NBEAL1: variants seen among roughly 807,000 people sequenced by gnomAD.
NBEAL1 encodes the protein neurobeachin-like protein 1.
A neutral mutation model predicts 351.3 loss-of-function variants in NBEAL1; 273 were observed. The observed-to-expected ratio is 0.78, with a 90% CI of 0.70 to 0.86. NBEAL1 has a LOEUF of 0.86. Ranked by LOEUF, NBEAL1 falls within the 40% of genes least tolerant of loss-of-function variation. The pLI is 0.00. For missense variants in NBEAL1, 2,961 were observed against 3,201.3 expected (o/e 0.92, Z 1.81); for synonymous variants, 1,050 against 1,086.4 (o/e 0.97, Z 0.66).
At chr2:203,193,244 T>G (rs1297668736) in intron 46 of NBEAL1, among the ~76,000 whole-genome samples, 1 of 152,154 alleles carries the variant, frequency 6.6e-6, no homozygotes, top group Non-Finnish European at 1.5e-5. Context: ...AGTGCTAGGA[T>G]TTCAGGTGTG....
rs1390829243 is a variant in NBEAL1, at chr2:203,108,167, G to A, written c.1928G>A (p.Gly643Glu). ...QLTLGIANKG[G>E]KRKQLYSFFT... The stretch of plus-strand genomic sequence containing the variant: ...ACTCTTGGCATTGCTAACAAAGGAG[G>A]GAAAAGGAAACAATTGTACAGGTAT... Residue 643 changes from glycine to glutamate, a missense_variant, in exon 14 of 56, where the codon GGG becomes GAG. Transcript: ENST00000683969. 2 of 1,549,454 alleles carry A rather than the reference G, an allele frequency of 1.3e-6. No individual in the cohort carries two copies. Among genetic ancestry groups the A allele is most frequent in the South Asian group, 2.4e-5 (2 of 83,738 alleles).
At position 203,057,366 on chromosome 2, in the gene NBEAL1, C is replaced by T. The variant is rs1164967197; in HGVS notation, c.428C>T (p.Thr143Ile). 1 of 1,551,158 alleles carries T rather than the reference C, an allele frequency of 6.4e-7. No homozygotes were observed. The highest frequency in any genetic ancestry group is 8.7e-7 in the Non-Finnish European group (1 of 1,145,932). The change falls in exon 6 of 56, where the codon ACA becomes ATA. Residue 143 changes from threonine (T) to isoleucine (I), a missense_variant. Physicochemically the swap from Thr to Ile is moderately conservative, Grantham distance 89. Coordinates refer to ENST00000683969, the MANE Select transcript of NBEAL1 (RefSeq NM_001378026.1). Reference protein sequence around the residue: ...KKKEKEMADQTCIEEFVIHAL... With the variant: ...KKKEKEMADQICIEEFVIHAL... ...AAAGAGAAGGAAATGGCAGATCAGA[C>T]ATGTATTGAAGAATTTGTGATCCAC...
intron 7 of NBEAL1, 79 bp from the exon 8 acceptor site, chr2:203,077,673 G>A (rs1024352083): frequency 9.9e-5 from 80 of 808,624 alleles, no homozygotes; most frequent in Non-Finnish European, 1.3e-4. Flanking sequence ...CTTCGTGTTT[G>A]CATCAGACAT....
chr2:203,097,670 C>T, intron 11 of NBEAL1, 37 bp downstream of exon 11: 1 of 790,512 alleles, frequency 1.3e-6, no homozygotes, highest in South Asian at 5.8e-5. Context: ...CAGCTGAAGT[C>T]CAAAATCAGC....
intron 40 of NBEAL1, 77 bp from the exon 41 acceptor site, chr2:203,172,651 TA>T: frequency 7.8e-7 from 1 of 1,282,096 alleles, no homozygotes; most frequent in Non-Finnish European, 1.0e-6. Flanking sequence ...TGTCTTTAGA[TA>T]ACCATTTGAT....
intron 7 of NBEAL1, among the ~76,000 whole-genome samples, chr2:203,072,956 TA>T (rs1219272979): frequency 6.6e-6 from 1 of 152,176 alleles, no homozygotes; most frequent in African/African-American, 2.4e-5. Flanking sequence ...TTAAATGAGT[TA>T]GGCAGGGTTC....
chr2:203,149,971 G>A (rs773802578), intron 34 of NBEAL1, among the ~76,000 whole-genome samples: 1 of 152,032 alleles, frequency 6.6e-6, no homozygotes, highest in Non-Finnish European at 1.5e-5. Context: ...CAGTTGATAG[G>A]CATTTGGATT....
intron 7 of NBEAL1, among the ~76,000 whole-genome samples, chr2:203,077,215 C>G (rs1330380812): frequency 6.6e-6 from 1 of 151,596 alleles, no homozygotes; most frequent in Non-Finnish European, 1.5e-5. Flanking sequence ...ACTAAAAATA[C>G]AAAAATTAGC....
chr2:203,073,239 T>C (rs2061711424), intron 7 of NBEAL1, among the ~76,000 whole-genome samples: 1 of 152,220 alleles, frequency 6.6e-6, no homozygotes, highest in African/African-American at 2.4e-5. Context: ...ATTTATTTAC[T>C]AGGTAAAGGG....
chr2:203,207,106 C>A (rs2065610011), intron 51 of NBEAL1, among the ~76,000 whole-genome samples: 1 of 151,538 alleles, frequency 6.6e-6, no homozygotes, highest in South Asian at 2.1e-4. Context: ...CTCTGCCCGG[C>A]CGCCCCGTCT....
chr2:203,145,054 A>G lies in NBEAL1; in HGVS notation c.5198A>G (p.Asp1733Gly). The G allele has an allele frequency of 1.2e-6, 2 of 1,610,978 alleles. No individual in the cohort carries two copies. Among genetic ancestry groups the G allele is most frequent in the Non-Finnish European group, 1.7e-6 (2 of 1,178,738 alleles). The change falls in exon 33 of 56, where the codon GAT (aspartate) becomes GGT (glycine). Residue 1733 changes from aspartate to glycine, a missense_variant. Coordinates refer to ENST00000683969, the MANE Select transcript of NBEAL1 (RefSeq NM_001378026.1). The part of the protein sequence containing the change: ...MKQYEAHTFY[D>G]GHENMALYWK... ...CAGTATGAAGCTCATACATTTTACG[A>G]TGGTCATGAGAACATGGCACTTTAT...
At chr2:203,097,424 A>C (rs2062207602) in intron 10 of NBEAL1, 123 bp from the exon 11 acceptor site, 1 of 180,786 alleles carries the variant, frequency 5.5e-6, no homozygotes, top group Non-Finnish European at 1.1e-5. Context: ...AGTGTAGTAT[A>C]TTTCACAAGG....
chr2:203,211,975 C>T (rs1012402873), intron 54 of NBEAL1, among the ~76,000 whole-genome samples: 6 of 152,016 alleles, frequency 3.9e-5, no homozygotes, highest in African/African-American at 1.4e-4. Context: ...GCAGCCTCTG[C>T]CTCCAGGTTC....
In NBEAL1 at chr2:203,195,435, A is replaced by G. The variant is rs530167456; in HGVS notation, c.7038+1524A>G. Among the ~76,000 whole-genome samples, 26 of 152,306 alleles carry G rather than the reference A, an allele frequency of 1.7e-4. No homozygotes were observed. In the South Asian group the frequency reaches 5.2e-3, roughly 30 times the overall value. On this transcript the variant is annotated intron_variant, in intron 47 of 55. Coordinates refer to ENST00000683969, the MANE Select transcript of NBEAL1 (RefSeq NM_001378026.1). ...AACTCTACAAACTTGGTTGTTTCCA[A>G]AAGTATCTAAGTTAGTTGCATAGAA...
Position 203,126,540 on chromosome 2 carries a change from C to A in NBEAL1, c.2986-17C>A. ...TTTAAACTGAACTATATGAAACCCTCTTCTGTTTGGTTTCAGGTGCCAAGC... is the reference window on the plus strand; with the variant it reads ...TTTAAACTGAACTATATGAAACCCTATTCTGTTTGGTTTCAGGTGCCAAGC... On this transcript the variant is annotated splice_polypyrimidine_tract_variant and intron_variant, in intron 21 of 55. Transcript: ENST00000683969. 1 of 1,432,824 alleles carries A rather than the reference C, an allele frequency of 7.0e-7. No individual in the cohort carries two copies. The highest frequency in any genetic ancestry group is 9.2e-7 in the Non-Finnish European group (1 of 1,092,794). 88.8% of individuals were successfully genotyped at this position (1,432,824 alleles called of 1,614,324 possible).
At chr2:203,095,861 C>T (rs1003080673) in intron 10 of NBEAL1, among the ~76,000 whole-genome samples, 1 of 152,104 alleles carries the variant, frequency 6.6e-6, no homozygotes, top group Non-Finnish European at 1.5e-5. Context: ...CAACCTCCAC[C>T]TCCCGGGTTC....
chr2:203,015,168 G>T (rs143101315), intron 1 of NBEAL1, among the ~76,000 whole-genome samples, 186 bp downstream of exon 1: 4 of 152,168 alleles, frequency 2.6e-5, no homozygotes, highest in African/African-American at 9.6e-5. Context: ...CGCCGAGTCC[G>T]CATTCCTCAG....
intron 19 of NBEAL1, among the ~76,000 whole-genome samples, chr2:203,123,236 AATCT>A (rs1418736231): frequency 6.6e-6 from 1 of 151,886 alleles, no homozygotes; most frequent in Non-Finnish European, 1.5e-5. Flanking sequence ...TGTAGAAATT[AATCT>A]ATCAATTAGT....
At chr2:203,091,284 A>T (rs973214979) in intron 10 of NBEAL1, among the ~76,000 whole-genome samples, 2 of 152,156 alleles carry the variant, frequency 1.3e-5, no homozygotes, top group Non-Finnish European at 2.9e-5. Flanking sequence ...TGTCCTCAAG[A>T]TTCGTCCATG....
Sources: allele counts gnomAD v4.1 joint callset (sites outside exome capture counted in the v4.1 genomes callset), GRCh38; gene constraint gnomAD v4.1.1; transcripts MANE v1.5; gene names NCBI Gene and HGNC (gene_info 2026-07-23, HGNC 2026-07-21).